Variants in FNTA observed in about 807,000 individuals in gnomAD.
FNTA encodes the protein protein farnesyltransferase/geranylgeranyltransferase type-1 subunit alpha.
A neutral mutation model predicts 55.2 loss-of-function variants in FNTA; 27 were observed. The ratio of observed to expected loss-of-function variants is 0.49; its 90% CI spans 0.36 to 0.67. The LOEUF (loss-of-function observed/expected upper bound fraction) is 0.67. FNTA is among the 30% of genes least tolerant of loss of function. The probability of loss-of-function intolerance (pLI) is 0.00; values close to 1 mark genes in which losing one functional copy is unlikely to be tolerated. For synonymous variants in FNTA, 176 were observed against 170.7 expected (o/e 1.03, Z -0.24); for missense variants, 422 against 464.7 (o/e 0.91, Z 0.85).
chr8:43,079,968 G>A (rs1810991268), intron 6 of FNTA: 3 of 152,406 alleles, frequency 2.0e-5, no homozygotes. Flanking sequence ...TAGAAGTGGA[G>A]CCTGAAGATG....
intron 3 of FNTA, among the ~76,000 whole-genome samples, chr8:43,067,923 G>A (rs1444171671): frequency 3.3e-5 from 5 of 151,898 alleles, no homozygotes; most frequent in East Asian, 1.9e-4. Context: ...TTTTTGAGAC[G>A]GAGTCTTGCT....
intron 3 of FNTA, among the ~76,000 whole-genome samples, chr8:43,068,707 C>T (rs1159592692): frequency 6.6e-6 from 1 of 152,078 alleles, no homozygotes; most frequent in South Asian, 2.1e-4. Flanking sequence ...ATACTTGTTA[C>T]CTTTCACTAT....
At chr8:43,070,725 A>G (rs1810770532) in intron 4 of FNTA, among the ~76,000 whole-genome samples, 1 of 152,260 alleles carries the variant, frequency 6.6e-6, no homozygotes. Context: ...TGTTCGTTTT[A>G]TAACCAGTGT....
In FNTA at chr8:43,062,173, ATGTGTG is replaced by A. The variant is rs35607201; in HGVS notation, c.287-1904_287-1899del. Among the ~76,000 whole-genome samples, 619 of 148,600 alleles carry A rather than the reference ATGTGTG, an allele frequency of 4.2e-3. 3 individuals carry two copies. The highest frequency in any genetic ancestry group is 4.0e-3 in the Non-Finnish European group (268 of 67,116). On this transcript the variant is annotated intron_variant, in intron 2 of 8. Coordinates refer to ENST00000302279, the MANE Select transcript of FNTA (RefSeq NM_002027.3). ...ATCAATGTGCATATGTGTATGTTTTATGTGTGTGTGTGTGTGTGTGTGTGTGTGTAA... is the reference window on the plus strand; with the variant it reads ...ATCAATGTGCATATGTGTATGTTTTATGTGTGTGTGTGTGTGTGTGTGTAA...
In FNTA at chr8:43,085,423, C is replaced by A. The variant is rs528788946; in HGVS notation, c.*141C>A. 6.9e-6 allele frequency: 5 copies of A among 719,426 alleles called. No individual in the cohort carries two copies. Among genetic ancestry groups the A allele is most frequent in the Non-Finnish European group, 9.3e-6 (4 of 432,292 alleles). 44.6% of individuals were successfully genotyped at this position (719,426 alleles called of 1,614,324 possible). On this transcript the variant is annotated 3_prime_UTR_variant, in exon 9 of 9. Coordinates refer to ENST00000302279, the MANE Select transcript of FNTA (RefSeq NM_002027.3). ...TATTGCTTTTTAACAAGAACTGATG[C>A]TCCTTGGGTGCTGCTGCTACTCAGA...
chr8:43,077,213 T>C lies in FNTA; in HGVS notation c.634-3T>C, dbSNP rs750984509. ...GGATGATTTTTCTAAATTTTTCCTT[T>C]AGGAATTTAAACTTTGGGATAATGA... On this transcript the variant is annotated splice_region_variant and splice_polypyrimidine_tract_variant and intron_variant, in intron 5 of 8. Coordinates refer to ENST00000302279, the MANE Select transcript of FNTA (RefSeq NM_002027.3). The C allele has an allele frequency of 3.8e-6, 6 of 1,564,282 alleles. No homozygotes were observed. Among genetic ancestry groups the C allele is most frequent in the South Asian group, 3.6e-5 (3 of 84,236 alleles).
intron 5 of FNTA, chr8:43,076,586 T>A (rs1271911777): frequency 6.6e-6 from 1 of 152,188 alleles, no homozygotes; most frequent in Admixed American, 6.5e-5. Context: ...TACTTTGATA[T>A]ATTAATATCG....
intron 1 of FNTA, chr8:43,057,313 TC>T (rs1227273094): frequency 2.0e-5 from 3 of 152,322 alleles, no homozygotes; most frequent in Middle Eastern, 3.4e-3. Flanking sequence ...TCTAGGTAAA[TC>T]CATTCGATGG....
chr8:43,062,427 A>G (rs1810556431), intron 2 of FNTA, among the ~76,000 whole-genome samples: 1 of 151,692 alleles, frequency 6.6e-6, no homozygotes, highest in African/African-American at 2.4e-5. Flanking sequence ...GATTACAGGC[A>G]TGTGTCACCA....
intron 3 of FNTA, among the ~76,000 whole-genome samples, chr8:43,068,861 C>T (rs1810721596): frequency 6.6e-6 from 1 of 152,002 alleles, no homozygotes; most frequent in African/African-American, 2.4e-5. Flanking sequence ...TACAGGCATG[C>T]ACCACCTCGC....
Position 43,085,284 on chromosome 8 carries a change from A to C in FNTA, c.*2A>C. On this transcript the variant is annotated 3_prime_UTR_variant, in exon 9 of 9. Transcript: ENST00000302279. ...TCACCAACAAATGTACAGCAATAAC[A>C]CCATCCAGAAGAACTTGATGGAATG... 6.2e-7 allele frequency: 1 copy of C among 1,601,084 alleles called. No individual in the cohort carries two copies. Among genetic ancestry groups the C allele is most frequent in the Non-Finnish European group, 8.5e-7 (1 of 1,177,468 alleles).
At position 43,069,436 on chromosome 8, in the gene FNTA, T is replaced by C. The variant is rs937308180; in HGVS notation, c.402-119T>C. 17 of 664,170 alleles carry C rather than the reference T, an allele frequency of 2.6e-5. No homozygotes were observed. In the Admixed American group the frequency reaches 3.7e-4, roughly 14 times the overall value. The allele number at this position is 664,170 out of a possible 1,614,324, so 41.1% of individuals were successfully genotyped here. Reference sequence around the variant, plus strand: ...TGCTTGGCCTATAATTGTTAAATTATACAGATTACCTGCCAAAAATTTGTC... The same window carrying C: ...TGCTTGGCCTATAATTGTTAAATTACACAGATTACCTGCCAAAAATTTGTC... On this transcript the variant is annotated intron_variant, in intron 3 of 8. Coordinates refer to ENST00000302279, the MANE Select transcript of FNTA (RefSeq NM_002027.3).
At chr8:43,069,926 G>A (rs189240086) in intron 4 of FNTA, among the ~76,000 whole-genome samples, 1 of 152,174 alleles carries the variant, frequency 6.6e-6, no homozygotes, top group Non-Finnish European at 1.5e-5. Context: ...TTACAGGTAT[G>A]AGCCATTGCG....
rs1392606545 is a variant in FNTA at position 43,056,374 on chromosome 8, G to A, written c.28G>A (p.Ala10Thr). The A allele has an allele frequency of 2.7e-6, 4 of 1,465,286 alleles. No homozygotes were observed. The highest frequency in any genetic ancestry group is 1.5e-5 in the African/African-American group (1 of 68,032). The allele number at this position is 1,465,286 out of a possible 1,614,324, so 90.8% of individuals were successfully genotyped here. Reference protein sequence around the residue: MAATEGVGEAAQGGEPGQPA... With the variant: MAATEGVGETAQGGEPGQPA... ...GGCGGCCACCGAGGGGGTCGGGGAG[G>A]CTGCGCAAGGGGGCGAGCCCGGGCA... The change falls in exon 1 of 9, where the codon GCT becomes ACT. Residue 10 changes from alanine to threonine, a missense_variant. Coordinates refer to ENST00000302279, the MANE Select transcript of FNTA (RefSeq NM_002027.3).
intron 3 of FNTA, among the ~76,000 whole-genome samples, chr8:43,067,398 C>A (rs1277710762): frequency 6.6e-6 from 1 of 152,182 alleles, no homozygotes; most frequent in Non-Finnish European, 1.5e-5. Flanking sequence ...TGCCCCGATT[C>A]TCTTTGTTCT....
Position 43,056,328 on chromosome 8 carries a change from A to G in FNTA, c.-19A>G, listed in dbSNP as rs1057217802. The G allele has an allele frequency of 2.4e-5, 34 of 1,394,158 alleles. No homozygotes were observed. The highest frequency in any genetic ancestry group is 3.1e-5 in the Non-Finnish European group (34 of 1,083,730). The allele number at this position is 1,394,158 out of a possible 1,614,324, so 86.4% of individuals were successfully genotyped here. ...GGGGCGGGGCCTCCGCCACCACCTC[A>G]GCTGCGGACCGAGGCGAGATGGCGG... On this transcript the variant is annotated 5_prime_UTR_variant, in exon 1 of 9. Transcript: ENST00000302279.
At chr8:43,063,384 A>G in intron 2 of FNTA, 1 of 453,104 alleles carries the variant, frequency 2.2e-6, no homozygotes, top group Non-Finnish European at 4.4e-6. Context: ...AATATCCTTG[A>G]ATACTTGCAC....
rs1006107592 is a variant in FNTA at position 43,056,367 on chromosome 8, C to G, written c.21C>G (p.Val7=). Residue 7 remains valine, a synonymous_variant, in exon 1 of 9, where the codon GTC becomes GTG. Transcript: ENST00000302279. ...GCGAGATGGCGGCCACCGAGGGGGT[C>G]GGGGAGGCTGCGCAAGGGGGCGAGC... The part of the protein sequence containing the change: MAATEG[V]GEAAQGGEPG... 2.1e-6 allele frequency: 3 copies of G among 1,454,792 alleles called. No individual in the cohort carries two copies. The highest frequency in any genetic ancestry group is 2.9e-5 in the African/African-American group (2 of 67,872). The allele number at this position is 1,454,792 out of a possible 1,614,324, so 90.1% of individuals were successfully genotyped here.
At chr8:43,074,842 T>C (rs182259101) in intron 5 of FNTA, among the ~76,000 whole-genome samples, 3 of 152,316 alleles carry the variant, frequency 2.0e-5, no homozygotes, top group East Asian at 1.9e-4. Flanking sequence ...GTGGTAGTTA[T>C]ACTATACATG....
Sources: allele counts gnomAD v4.1 joint callset (sites outside exome capture counted in the v4.1 genomes callset), GRCh38; gene constraint gnomAD v4.1.1; transcripts MANE v1.5; gene names NCBI Gene and HGNC (gene_info 2026-07-23, HGNC 2026-07-21).